The following ATP10A variants were observed in gnomAD, a reference collection of about 807,000 sequenced individuals.
ATP10A encodes the protein ATPase phospholipid transporting 10A (putative), also known as phospholipid-transporting ATPase VA.
ATP10A carries 111 observed loss-of-function variants against 147.8 expected under a neutral mutation model. That is an observed-to-expected ratio of 0.75 (90% CI 0.64 to 0.88). The LOEUF is 0.88. Ranked by LOEUF, ATP10A falls within the 40% of genes least tolerant of loss-of-function variation. The pLI is 0.00. For missense variants in ATP10A, 1,927 were observed against 1,959.0 expected (o/e 0.98, Z 0.31); for synonymous variants, 875 against 841.6 (o/e 1.04, Z -0.69).
intron 13 of ATP10A, among the ~76,000 whole-genome samples, chr15:25,701,502 T>C (rs1160443899): frequency 6.6e-6 from 1 of 152,142 alleles, no homozygotes; most frequent in African/African-American, 2.4e-5. Context: ...GTATATGAAG[T>C]AGCTACTCGC....
intron 2 of ATP10A, among the ~76,000 whole-genome samples, chr15:25,763,520 T>G (rs930600558): frequency 2.6e-5 from 4 of 152,206 alleles, no homozygotes; most frequent in Non-Finnish European, 5.9e-5. Flanking sequence ...ATTTCATGTG[T>G]CAACTTGAGT....
At chr15:25,756,972 T>C (rs1888448182) in intron 2 of ATP10A, among the ~76,000 whole-genome samples, 1 of 152,218 alleles carries the variant, frequency 6.6e-6, no homozygotes, top group South Asian at 2.1e-4. Context: ...AATATAACTG[T>C]TAAAATGAGT....
In ATP10A at chr15:25,679,555, A is replaced by AG; in HGVS notation, c.4285dup (p.Leu1429ProfsTer87). On this transcript the variant is annotated frameshift_variant, in exon 21 of 21. Transcript: ENST00000555815. LOFTEE classifies it high-confidence loss of function. ...TAAGCTGAAGGTAGGCAGGCTGAAG[A>AG]GGGAAGACAGGGGGGTCACCCTGCC... 1.2e-6 allele frequency: 2 copies of AG among 1,612,154 alleles called. No homozygotes were observed. The highest frequency in any genetic ancestry group is 8.5e-7 in the Non-Finnish European group (1 of 1,178,528).
chr15:25,825,444 G>A (rs1244347128), intron 1 of ATP10A, among the ~76,000 whole-genome samples: 1 of 152,148 alleles, frequency 6.6e-6, no homozygotes, highest in East Asian at 1.9e-4. Flanking sequence ...AGAGGGCCAT[G>A]AGCCCTCAGC....
intron 2 of ATP10A, among the ~76,000 whole-genome samples, chr15:25,743,805 T>G (rs1013500594): frequency 1.3e-5 from 2 of 152,180 alleles, no homozygotes; most frequent in Non-Finnish European, 2.9e-5. Flanking sequence ...TGTTCCAGCT[T>G]CTTAAGTCAC....
Position 25,713,673 on chromosome 15 carries a change from C to G in ATP10A, c.2344+1G>C. The stretch of plus-strand genomic sequence containing the variant: ...GTGCAGCTGGGCAGGGGTGGGAGTA[C>G]CTGAAGAGCAGGGCTGCAGGAGATC... On this transcript the variant is annotated splice_donor_variant, in intron 10 of 20. Coordinates refer to ENST00000555815, the MANE Select transcript of ATP10A (RefSeq NM_024490.4). LOFTEE classifies it high-confidence loss of function. The G allele has an allele frequency of 1.2e-6, 2 of 1,613,320 alleles. No individual in the cohort carries two copies. Among genetic ancestry groups the G allele is most frequent in the Non-Finnish European group, 8.5e-7 (1 of 1,179,718 alleles).
chr15:25,828,265 A>G (rs1424785208), intron 1 of ATP10A, among the ~76,000 whole-genome samples: 1 of 152,214 alleles, frequency 6.6e-6, no homozygotes, highest in East Asian at 1.9e-4. Flanking sequence ...AAGGAAATAG[A>G]AGACTTGAAA....
rs762984844 is a variant in ATP10A, at chr15:25,708,296, G to A, written c.2349C>T (p.Asp783=). The A allele has an allele frequency of 1.4e-5, 22 of 1,613,418 alleles. No individual in the cohort carries two copies. The highest frequency in any genetic ancestry group is 9.9e-5 in the South Asian group (9 of 91,068). Residue 783 remains aspartate, a synonymous_variant, in exon 11 of 21, where the codon GAC becomes GAT. Transcript: ENST00000555815. ...TCTTTTTTTGATGCCTCCCTCTGGC[G>A]TCAACTAGGTTGGAGAATAAGCAGA... The part of the protein sequence containing the change: ...MDLLQPCSSV[D]ARGRHQKKIR...
chr15:25,698,062 A>G (rs961719761), intron 13 of ATP10A, among the ~76,000 whole-genome samples: 2 of 151,996 alleles, frequency 1.3e-5, no homozygotes, highest in Non-Finnish European at 2.9e-5. Flanking sequence ...GCATGATGAC[A>G]AAATGTAATG....
In ATP10A at chr15:25,682,594, G is replaced by A. The variant is rs115641995; in HGVS notation, c.3492+692C>T. ...GGCCAAGGATGGGAACTCCCCTGAA[G>A]CAACAGATAACAAGCAGAGGCCCTG... On this transcript the variant is annotated intron_variant, in intron 17 of 20. Transcript: ENST00000555815. Among the ~76,000 whole-genome samples the A allele has an allele frequency of 7.0e-3, 1,059 of 152,312 alleles. 18 individuals carry two copies. Among genetic ancestry groups the A allele is most frequent in the African/African-American group, 0.024 (1,006 of 41,578 alleles).
rs748566223 is a variant in ATP10A at position 25,691,905 on chromosome 15, C to CT, written c.3089-115dup. 169 of 1,249,730 alleles carry CT rather than the reference C, an allele frequency of 1.4e-4. 1 individual carries two copies. Among genetic ancestry groups the CT allele is most frequent in the Non-Finnish European group, 1.9e-4 (160 of 856,328 alleles). 77.4% of individuals were successfully genotyped at this position (1,249,730 alleles called of 1,614,324 possible). On this transcript the variant is annotated intron_variant, in intron 14 of 20. Transcript: ENST00000555815. Reference sequence around the variant, plus strand: ...CTGAACTCAGTCCTGTGAAAGCGTCCTGGGGAAGATGGGGGAAAAAGGAGT... The same window carrying CT: ...CTGAACTCAGTCCTGTGAAAGCGTCCTTGGGGAAGATGGGGGAAAAAGGAGT...
intron 1 of ATP10A, among the ~76,000 whole-genome samples, chr15:25,808,851 G>A (rs1891309042): frequency 1.3e-5 from 2 of 152,194 alleles, no homozygotes; most frequent in South Asian, 4.1e-4. Flanking sequence ...CTCCTTGAGT[G>A]AGGTGGGATT....
chr15:25,760,860 T>C (rs1888723900), intron 2 of ATP10A, among the ~76,000 whole-genome samples: 1 of 152,176 alleles, frequency 6.6e-6, no homozygotes, highest in Non-Finnish European at 1.5e-5. Context: ...AGCATACATA[T>C]ATAAAACATG....
intron 1 of ATP10A, among the ~76,000 whole-genome samples, chr15:25,818,961 C>T (rs1891774042): frequency 6.6e-6 from 1 of 152,100 alleles, no homozygotes. Context: ...AACTCTAAGA[C>T]CTGAAACTAT....
At chr15:25,755,939 C>A (rs1888383873) in intron 2 of ATP10A, among the ~76,000 whole-genome samples, 1 of 152,170 alleles carries the variant, frequency 6.6e-6, no homozygotes. Flanking sequence ...GTACTTAAAC[C>A]ACTAGAAACT....
chr15:25,823,663 T>C (rs1215766633), intron 1 of ATP10A, among the ~76,000 whole-genome samples: 1 of 152,272 alleles, frequency 6.6e-6, no homozygotes, highest in Non-Finnish European at 1.5e-5. Flanking sequence ...AACTCAACTA[T>C]TGTTGATCTT....
intron 1 of ATP10A, among the ~76,000 whole-genome samples, chr15:25,789,990 T>G (rs536383204): frequency 1.4e-4 from 21 of 152,300 alleles, no homozygotes; most frequent in African/African-American, 4.8e-4. Flanking sequence ...AATGGATTAT[T>G]AAGTAAATGT....
At chr15:25,680,722 A>T in intron 19 of ATP10A, 88 bp downstream of exon 19, 1 of 1,265,092 alleles carries the variant, frequency 7.9e-7, no homozygotes, top group East Asian at 2.3e-5. Context: ...ACTCAAAACG[A>T]CCTCCCAGAC....
chr15:25,680,324 A>G lies in ATP10A; in HGVS notation c.3679-16T>C. ...TGAGCCAGGTCTGAGGGGGAATGAG[A>G]AAGAAAGGGCTTTTATTTCCACCTA... On this transcript the variant is annotated splice_polypyrimidine_tract_variant and intron_variant, in intron 19 of 20. Coordinates refer to ENST00000555815, the MANE Select transcript of ATP10A (RefSeq NM_024490.4). 2.5e-6 allele frequency: 4 copies of G among 1,610,162 alleles called. No homozygotes were observed. The highest frequency in any genetic ancestry group is 3.4e-6 in the Non-Finnish European group (4 of 1,177,468).
Sources: gnomAD v4.1 joint callset for allele counts (sites outside exome capture counted in the v4.1 genomes callset) on GRCh38, gnomAD v4.1.1 for gene constraint, MANE v1.5 for transcripts, NCBI Gene and HGNC (gene_info 2026-07-23, HGNC 2026-07-21) for gene names.